NRBF2: variants seen among roughly 807,000 people sequenced by gnomAD.
NRBF2 encodes nuclear receptor-binding factor 2.
Under a neutral mutation model 28.5 loss-of-function variants are expected in NRBF2, and 12 were observed. That is an observed-to-expected ratio of 0.42 (90% CI 0.27 to 0.68). NRBF2 has a LOEUF of 0.68. NRBF2 is among the 30% of genes least tolerant of loss of function. The pLI, the probability that NRBF2 is intolerant of heterozygous loss-of-function variation, is 0.24. For synonymous variants in NRBF2, 102 were observed against 116.5 expected, an observed-to-expected ratio of 0.88 and a Z score of 0.80; for missense variants, 274 against 333.5, an observed-to-expected ratio of 0.82 and a Z score of 1.39.
intron 1 of NRBF2, among the ~76,000 whole-genome samples, chr10:63,140,664 C>T (rs771796474): frequency 4.0e-5 from 6 of 150,930 alleles, no homozygotes; most frequent in Non-Finnish European, 7.4e-5. Context: ...CCTCACAGAG[C>T]GCTGGGATTA....
chr10:63,150,423 TTC>T, intron 2 of NRBF2: 1 of 901,984 alleles, frequency 1.1e-6, no homozygotes, highest in Non-Finnish European at 1.3e-6. Flanking sequence ...TTTTTTTAAA[TTC>T]TTTTTAAATT....
At position 63,153,677 on chromosome 10, in the gene NRBF2, A is replaced by G; in HGVS notation, c.323A>G (p.Asp108Gly). ...LQTSHKPSAE[D>G]AEGQSPLSQK... ...ACATCTCACAAACCCTCTGCAGAGG[A>G]TGCAGAGGGCCAGAGTCCCCTTTCT... Residue 108 changes from aspartate to glycine, a missense_variant, in exon 4 of 4, where the codon GAT becomes GGT. Transcript: ENST00000277746. The G allele has an allele frequency of 6.2e-7, 1 of 1,611,998 alleles. No individual in the cohort carries two copies. The highest frequency in any genetic ancestry group is 8.5e-7 in the Non-Finnish European group (1 of 1,179,740).
At chr10:63,151,226 A>C (rs118151578) in intron 2 of NRBF2, among the ~76,000 whole-genome samples, 1 of 152,364 alleles carries the variant, frequency 6.6e-6, no homozygotes, top group Non-Finnish European at 1.5e-5. Flanking sequence ...CAAAAGAGGA[A>C]CTTAATGTAG....
At chr10:63,143,927 T>C (rs1841517022) in intron 1 of NRBF2, among the ~76,000 whole-genome samples, 3 of 151,718 alleles carry the variant, frequency 2.0e-5, no homozygotes, top group Admixed American at 2.0e-4. Flanking sequence ...CCGGCTAATT[T>C]TTGTATTTTT....
In NRBF2 at chr10:63,155,003, TCAATA is replaced by T. The variant is rs1841713132; in HGVS notation, c.*786_*790del. 1 of 152,284 alleles carries T rather than the reference TCAATA, an allele frequency of 6.6e-6. No individual in the cohort carries two copies. Among genetic ancestry groups the T allele is most frequent in the Admixed American group, 6.5e-5 (1 of 15,284 alleles). The allele number at this position is 152,284 out of a possible 1,614,324, so 9.4% of individuals were successfully genotyped here. ...GTTGGCAGTATTTTATTGTAAGAAA[TCAATA>T]AAGTAATTGTGTTTTATACCTTTGT... On this transcript the variant is annotated 3_prime_UTR_variant, in exon 4 of 4. Coordinates refer to ENST00000277746, the MANE Select transcript of NRBF2 (RefSeq NM_030759.5).
chr10:63,140,494 C>A (rs777880137), intron 1 of NRBF2, among the ~76,000 whole-genome samples: 1 of 152,106 alleles, frequency 6.6e-6, no homozygotes, highest in South Asian at 2.1e-4. Context: ...CACGGCTCAC[C>A]GTAGCCTCAA....
At chr10:63,141,274 C>T (rs988578030) in intron 1 of NRBF2, among the ~76,000 whole-genome samples, 15 of 152,102 alleles carry the variant, frequency 9.9e-5, no homozygotes, top group African/African-American at 3.1e-4. Context: ...CCCACCTCTA[C>T]AAAAAATAAA....
chr10:63,153,181 C>T (rs1044663883), intron 3 of NRBF2, among the ~76,000 whole-genome samples: 1 of 152,154 alleles, frequency 6.6e-6, no homozygotes. Context: ...GCTCATGATA[C>T]AGGCATGCAT....
chr10:63,154,391 C>T lies in NRBF2; in HGVS notation c.*173C>T, dbSNP rs897053883. 4.9e-5 allele frequency: 27 copies of T among 550,322 alleles called. No homozygotes were observed. The highest frequency in any genetic ancestry group is 3.0e-4 in the Middle Eastern group (1 of 3,384). The allele number at this position is 550,322 out of a possible 1,614,324, so 34.1% of individuals were successfully genotyped here. ...CTTGGGAAACAGTCACTGTGAAATG[C>T]GCTGCGTATCTCATTCACTCACTTC... On this transcript the variant is annotated 3_prime_UTR_variant, in exon 4 of 4. Transcript: ENST00000277746.
intron 1 of NRBF2, among the ~76,000 whole-genome samples, chr10:63,144,354 T>G (rs1483568721): frequency 6.6e-6 from 1 of 152,198 alleles, no homozygotes; most frequent in Non-Finnish European, 1.5e-5. Flanking sequence ...GACTGGCTTA[T>G]TTTATTCAGT....
chr10:63,144,445 C>T (rs1173896611), intron 1 of NRBF2, among the ~76,000 whole-genome samples: 3 of 144,978 alleles, frequency 2.1e-5, no homozygotes, highest in African/African-American at 7.6e-5. Context: ...GACACAGTCT[C>T]GCTCTGTCAC....
At chr10:63,135,215 T>A (rs535025713) in intron 1 of NRBF2, among the ~76,000 whole-genome samples, 1 of 152,174 alleles carries the variant, frequency 6.6e-6, no homozygotes, top group African/African-American at 2.4e-5. Context: ...CTTGCACTTT[T>A]CTTGTTTTTA....
chr10:63,138,247 A>G (rs1401975973), intron 1 of NRBF2, among the ~76,000 whole-genome samples: 4 of 152,028 alleles, frequency 2.6e-5, no homozygotes, highest in African/African-American at 9.7e-5. Flanking sequence ...CAGGAGGTGG[A>G]GGTTGCAGTG....
chr10:63,146,661 A>C (rs1208999217), intron 2 of NRBF2, among the ~76,000 whole-genome samples: 1 of 152,208 alleles, frequency 6.6e-6, no homozygotes, highest in Admixed American at 6.5e-5. Flanking sequence ...TTCAATTCCA[A>C]CCAATTCATT....
chr10:63,135,429 T>A (rs1841360408), intron 1 of NRBF2, among the ~76,000 whole-genome samples: 2 of 152,094 alleles, frequency 1.3e-5, no homozygotes, highest in South Asian at 4.1e-4. Context: ...ATGTGTGATG[T>A]TTTAAAAGGA....
chr10:63,153,459 A>G (rs1163831008), intron 3 of NRBF2, 52 bp from the exon 4 acceptor site: 6 of 1,354,992 alleles, frequency 4.4e-6, no homozygotes, highest in Non-Finnish European at 6.1e-6. Flanking sequence ...GTTGGACATT[A>G]CTAAGATACT....
At chr10:63,151,073 G>T (rs1841641420) in intron 2 of NRBF2, among the ~76,000 whole-genome samples, 1 of 152,182 alleles carries the variant, frequency 6.6e-6, no homozygotes, top group African/African-American at 2.4e-5. Context: ...CGGCCTGGGG[G>T]TTTGGGACCC....
Position 63,133,362 on chromosome 10 carries a change from C to A in NRBF2, c.-109C>A, listed in dbSNP as rs1841317517. On this transcript the variant is annotated 5_prime_UTR_variant, in exon 1 of 4. Transcript: ENST00000277746. ...GCGCCTATCGCTGGCTCTTGGGGCG[C>A]AGAGAGGGGCCGCAGTCTCCGCGGC... 7.7e-7 allele frequency: 1 copy of A among 1,307,034 alleles called. No individual in the cohort carries two copies. Among genetic ancestry groups the A allele is most frequent in the African/African-American group, 1.5e-5 (1 of 67,554 alleles). 81.0% of individuals were successfully genotyped at this position (1,307,034 alleles called of 1,614,324 possible). A position where few individuals can be genotyped will look rare whatever the true frequency, so the allele number is the denominator to read the frequency against.
intron 2 of NRBF2, among the ~76,000 whole-genome samples, chr10:63,149,734 T>C (rs1317930462): frequency 6.6e-6 from 1 of 152,250 alleles, no homozygotes; most frequent in African/African-American, 2.4e-5. Context: ...CTTTGTCATA[T>C]ACAATTTCAA....
Sources: gnomAD v4.1 joint callset for allele counts (sites outside exome capture counted in the v4.1 genomes callset) on GRCh38, gnomAD v4.1.1 for gene constraint, MANE v1.5 for transcripts, NCBI Gene and HGNC (gene_info 2026-07-23, HGNC 2026-07-21) for gene names.